The following SHANK2 variants were observed in gnomAD, a reference collection of about 807,000 sequenced individuals.
SHANK2 encodes the protein SH3 and multiple ankyrin repeat domains 2, also known as SH3 and multiple ankyrin repeat domains protein 2.
Under a neutral mutation model 133.7 loss-of-function variants are expected in SHANK2, and 43 were observed. The ratio of observed to expected loss-of-function variants is 0.32; its 90% CI spans 0.25 to 0.41. The LOEUF (loss-of-function observed/expected upper bound fraction) is 0.41. Ranked by LOEUF, SHANK2 falls within the 10% of genes least tolerant of loss-of-function variation. SHANK2 has a pLI of 1.00. For synonymous variants in SHANK2, 1,017 were observed against 952.8 expected (o/e 1.07, Z -1.24); for missense variants, 1,994 against 2,235.8 (o/e 0.89, Z 2.18).
intron 11 of SHANK2, chr11:70,862,889 A>G: frequency 3.9e-6 from 1 of 257,144 alleles, no homozygotes; most frequent in South Asian, 4.7e-5. Context: ...GGAGGAGGAG[A>G]CATGGGTGTG....
chr11:70,650,998 C>T (rs1037374549), intron 17 of SHANK2, among the ~76,000 whole-genome samples: 3 of 152,222 alleles, frequency 2.0e-5, no homozygotes, highest in Non-Finnish European at 4.4e-5. Flanking sequence ...CTGCTACATG[C>T]TTCACACACA....
chr11:70,589,602 A>C (rs2060295816), intron 17 of SHANK2, among the ~76,000 whole-genome samples: 1 of 152,204 alleles, frequency 6.6e-6, no homozygotes, highest in Non-Finnish European at 1.5e-5. Context: ...ATATTTAAGA[A>C]ACACATTTTG....
At chr11:70,661,507 A>ACG (rs1555013261) in intron 16 of SHANK2, 89 bp downstream of exon 16, 3 of 79,356 alleles carry the variant, frequency 3.8e-5, no homozygotes, top group African/African-American at 3.0e-4. Flanking sequence ...GTATACACAC[A>ACG]CACACACACA....
At chr11:71,183,256 G>A (rs1479554389) in intron 2 of SHANK2, among the ~76,000 whole-genome samples, 1 of 152,184 alleles carries the variant, frequency 6.6e-6, no homozygotes, top group East Asian at 1.9e-4. Context: ...AAGGGGCAAA[G>A]GTGCTGGAGT....
intron 3 of SHANK2, among the ~76,000 whole-genome samples, chr11:71,140,238 G>T (rs1952528852): frequency 6.6e-6 from 1 of 152,188 alleles, no homozygotes. Flanking sequence ...TCTTCAGAAG[G>T]TTCCAGAAAC....
intron 14 of SHANK2, among the ~76,000 whole-genome samples, chr11:70,703,428 C>T (rs1223556183): frequency 2.0e-5 from 3 of 152,178 alleles, no homozygotes; most frequent in Non-Finnish European, 2.9e-5. Context: ...TCAGCAGCCT[C>T]GGTTTCTAAC....
At chr11:71,214,307 G>A (rs782461928) in intron 2 of SHANK2, among the ~76,000 whole-genome samples, 1 of 152,178 alleles carries the variant, frequency 6.6e-6, no homozygotes, top group Non-Finnish European at 1.5e-5. Context: ...GACAGACGCA[G>A]CAAGGAAGAC....
chr11:70,737,769 G>C (rs1555033898), intron 14 of SHANK2, among the ~76,000 whole-genome samples: 1 of 152,210 alleles, frequency 6.6e-6, no homozygotes, highest in African/African-American at 2.4e-5. Context: ...AACATTTTGA[G>C]GACAAATGAT....
chr11:70,524,674 A>G (rs1554971786), intron 17 of SHANK2, among the ~76,000 whole-genome samples: 1 of 152,150 alleles, frequency 6.6e-6, no homozygotes, highest in African/African-American at 2.4e-5. Flanking sequence ...TACTGATGAC[A>G]TTACGGTAAC....
intron 17 of SHANK2, among the ~76,000 whole-genome samples, chr11:70,531,153 CT>C (rs1308442959): frequency 2.8e-5 from 2 of 71,138 alleles, no homozygotes; most frequent in South Asian, 7.4e-4. Flanking sequence ...GCACGACTGT[CT>C]CAAAAAAAAA....
intron 10 of SHANK2, among the ~76,000 whole-genome samples, chr11:70,941,703 C>T (rs191468902): frequency 5.9e-5 from 9 of 152,218 alleles, no homozygotes; most frequent in Admixed American, 2.6e-4. Flanking sequence ...GAAATCAGCC[C>T]CCATGAGAAA....
At chr11:71,113,469 A>G in intron 4 of SHANK2, 105 bp from the exon 5 acceptor site, 1 of 982,648 alleles carries the variant, frequency 1.0e-6, no homozygotes, top group East Asian at 2.6e-5. Context: ...AAGACGGGGA[A>G]CCCCACAGCA....
chr11:70,558,516 C>T (rs1445438773), intron 17 of SHANK2, among the ~76,000 whole-genome samples: 19 of 152,238 alleles, frequency 1.2e-4, no homozygotes, highest in Non-Finnish European at 1.9e-4. Context: ...CCAGCTCTCA[C>T]TTGGATGGTC....
At chr11:70,504,572 G>A (rs1228784922) in intron 17 of SHANK2, among the ~76,000 whole-genome samples, 1 of 152,168 alleles carries the variant, frequency 6.6e-6, no homozygotes, top group African/African-American at 2.4e-5. Flanking sequence ...CAGTGTCCTG[G>A]GTCCACTGGA....
In SHANK2 at chr11:70,949,359, C is replaced by T. The variant is rs554410686; in HGVS notation, c.1108-52792G>A. Among the ~76,000 whole-genome samples the T allele has an allele frequency of 5.3e-5, 8 of 152,286 alleles. No individual in the cohort carries two copies. The East Asian group carries it at 9.7e-4, about 18-fold the overall frequency. ...GCATGCTGCCCGGCAAGCAGCTCCCCGGGGGCGCATCATCTTAGCAAACTC... is the reference window on the plus strand; with the variant it reads ...GCATGCTGCCCGGCAAGCAGCTCCCTGGGGGCGCATCATCTTAGCAAACTC... On this transcript the variant is annotated intron_variant, in intron 10 of 25. Transcript: ENST00000601538.
At chr11:71,140,164 C>CG (rs1251788157) in intron 3 of SHANK2, among the ~76,000 whole-genome samples, 1 of 152,220 alleles carries the variant, frequency 6.6e-6, no homozygotes. Flanking sequence ...AGCTCACACC[C>CG]GGGGGATTTC....
Position 70,830,457 on chromosome 11 carries a change from C to T in SHANK2, c.1175-9775G>A, listed in dbSNP as rs563827001. 6.6e-5 allele frequency among the ~76,000 whole-genome samples: 10 copies of T among 152,286 alleles called. No individual in the cohort carries two copies. The South Asian group carries it at 1.5e-3, about 22-fold the overall frequency. On this transcript the variant is annotated intron_variant, in intron 11 of 25. Coordinates refer to ENST00000601538, the MANE Select transcript of SHANK2 (RefSeq NM_012309.5). This position sits in a 1 kb window ranked among gnomAD's most constrained non-coding sequence, Gnocchi z 4.4. Reference sequence around the variant, plus strand: ...TTCTCCTGCCATCTGCACACAGGCCCGGCCCTTCACCCTCCAAGCCACGGA... The same window carrying T: ...TTCTCCTGCCATCTGCACACAGGCCTGGCCCTTCACCCTCCAAGCCACGGA...
At chr11:70,612,601 G>T (rs1338234109) in intron 17 of SHANK2, among the ~76,000 whole-genome samples, 1 of 152,170 alleles carries the variant, frequency 6.6e-6, no homozygotes, top group African/African-American at 2.4e-5. Flanking sequence ...ACTCCACGAA[G>T]AAAAATGCAA....
chr11:70,688,207 C>T (rs926377850), intron 15 of SHANK2, among the ~76,000 whole-genome samples: 1 of 152,176 alleles, frequency 6.6e-6, no homozygotes, highest in Non-Finnish European at 1.5e-5. Flanking sequence ...CTGGATCCCC[C>T]CTGCAGGGCA....
Sources: gnomAD v4.1 joint callset for allele counts (sites outside exome capture counted in the v4.1 genomes callset) on GRCh38, gnomAD v4.1.1 for gene constraint, Gnocchi (gnomAD v3.1) non-coding constraint, MANE v1.5 for transcripts, NCBI Gene and HGNC (gene_info 2026-07-23, HGNC 2026-07-21) for gene names.